The following TNIK variants were observed in gnomAD, a reference collection of about 807,000 sequenced individuals.
TNIK encodes the protein TRAF2 and NCK-interacting protein kinase.
TNIK carries 49 observed loss-of-function variants against 191.3 expected under a neutral mutation model. The ratio of observed to expected loss-of-function variants is 0.26; its 90% confidence interval spans 0.20 to 0.32. The LOEUF is 0.32. Among genes scored for constraint, TNIK ranks in the 10% least tolerant of loss-of-function variants. The pLI is 1.00. For missense variants in TNIK, 1,155 were observed against 1,702.3 expected (o/e 0.68, Z 5.66); for synonymous variants, 594 against 600.9 (o/e 0.99, Z 0.17).
At chr3:171,455,105 G>A (rs796083579) in intron 1 of TNIK, among the ~76,000 whole-genome samples, 24 of 152,238 alleles carry the variant, frequency 1.6e-4, no homozygotes, top group African/African-American at 4.3e-4. Flanking sequence ...TACTGGGGGC[G>A]CAAAGCTCAA....
At chr3:171,220,292 G>A (rs1308597528) in intron 3 of TNIK, among the ~76,000 whole-genome samples, 1 of 152,230 alleles carries the variant, frequency 6.6e-6, no homozygotes, top group Non-Finnish European at 1.5e-5. Flanking sequence ...ACCTAATGTA[G>A]ATGACAGGTT....
At chr3:171,183,024 G>A (rs1270862449) in intron 7 of TNIK, among the ~76,000 whole-genome samples, 3 of 152,194 alleles carry the variant, frequency 2.0e-5, no homozygotes, top group Non-Finnish European at 2.9e-5. Flanking sequence ...GGTATTCAAC[G>A]AATGTGGGTA....
rs531361006 is a variant in TNIK, at chr3:171,229,868, C to T, written c.124-1647G>A. Among the ~76,000 whole-genome samples the T allele has an allele frequency of 2.0e-5, 3 of 152,238 alleles. No individual in the cohort carries two copies. The South Asian group carries it at 6.2e-4, about 32-fold the overall frequency. On this transcript the variant is annotated intron_variant, in intron 2 of 32. Coordinates refer to ENST00000436636, the MANE Select transcript of TNIK (RefSeq NM_015028.4). ...AGCCCCTCACACTTATTTCCACTTTCCTGAAATCGAGGGAGAGGATGGCGT... is the reference window on the plus strand; with the variant it reads ...AGCCCCTCACACTTATTTCCACTTTTCTGAAATCGAGGGAGAGGATGGCGT...
intron 12 of TNIK, among the ~76,000 whole-genome samples, chr3:171,143,235 A>G (rs972543330): frequency 2.0e-5 from 3 of 152,216 alleles, no homozygotes; most frequent in African/African-American, 7.2e-5. Context: ...GCCAATTTCC[A>G]GCTGCTGTGT....
rs899660528 is a variant in TNIK, at chr3:171,157,635, G to A, written c.1046C>T (p.Thr349Met). The change falls in exon 12 of 33, where the codon ACG (threonine) becomes ATG (methionine). Residue 349 changes from threonine to methionine, a missense_variant. Transcript: ENST00000436636. ...CAGCCTCAGAAAGTCCCTCCGCAGC[G>A]TCGACTCCCCTGGCAGATTCAGGAT... Reference protein sequence around the residue: ...SSILNLPGESTLRRDFLRLQL... With the variant: ...SSILNLPGESMLRRDFLRLQL... 3.2e-6 allele frequency: 5 copies of A among 1,555,936 alleles called. No individual in the cohort carries two copies. The highest frequency in any genetic ancestry group is 4.3e-6 in the Non-Finnish European group (5 of 1,149,672).
At chr3:171,314,896 C>T (rs1754437310) in intron 2 of TNIK, among the ~76,000 whole-genome samples, 1 of 152,134 alleles carries the variant, frequency 6.6e-6, no homozygotes, top group Non-Finnish European at 1.5e-5. Context: ...TATCACTGAA[C>T]ATCTTTGTCC....
At chr3:171,164,268 C>T (rs1245178610) in intron 10 of TNIK, among the ~76,000 whole-genome samples, 4 of 152,222 alleles carry the variant, frequency 2.6e-5, no homozygotes, top group African/African-American at 9.6e-5. Context: ...TTGTGCCCCA[C>T]AAAATGTGGA....
intron 2 of TNIK, among the ~76,000 whole-genome samples, chr3:171,353,560 A>G (rs565342213): frequency 9.3e-4 from 142 of 152,350 alleles, no homozygotes; most frequent in Non-Finnish European, 1.8e-3. Context: ...AAAGAGACAC[A>G]TTAACAAGTA....
intron 2 of TNIK, among the ~76,000 whole-genome samples, chr3:171,306,887 C>T (rs1268120902): frequency 6.6e-6 from 1 of 152,058 alleles, no homozygotes; most frequent in African/African-American, 2.4e-5. Context: ...TGTTCTGCTG[C>T]CGTGGTGATG....
At chr3:171,117,037 A>T (rs1365829795) in intron 18 of TNIK, among the ~76,000 whole-genome samples, 1 of 152,246 alleles carries the variant, frequency 6.6e-6, no homozygotes, top group African/African-American at 2.4e-5. Context: ...TAGGAAGGGA[A>T]CTATAAAAAG....
At chr3:171,200,949 A>G (rs1226362795) in intron 4 of TNIK, among the ~76,000 whole-genome samples, 1 of 152,206 alleles carries the variant, frequency 6.6e-6, no homozygotes, top group Non-Finnish European at 1.5e-5. Context: ...GTCACTAGTC[A>G]GTCACCCACA....
chr3:171,352,819 T>TA (rs1713423815), intron 2 of TNIK, among the ~76,000 whole-genome samples: 1 of 152,156 alleles, frequency 6.6e-6, no homozygotes, highest in South Asian at 2.1e-4. Flanking sequence ...TAAGGTACTT[T>TA]AAAAGGTCAA....
chr3:171,211,141 G>A lies in TNIK; in HGVS notation c.281C>T (p.Pro94Leu). 6.2e-7 allele frequency: 1 copy of A among 1,612,912 alleles called. No individual in the cohort carries two copies. The highest frequency in any genetic ancestry group is 8.5e-7 in the Non-Finnish European group (1 of 1,179,512). Residue 94 changes from proline to leucine, a missense_variant, in exon 4 of 33, where the codon CCA becomes CTA. By Grantham distance (98) the Pro-to-Leu change is moderately conservative. Transcript: ENST00000436636. ...CCAAAGTTGGTCATCCATGCCTGGTGGGTTCTTTTTGATAAAAGCACCATA... is the reference window on the plus strand; with the variant it reads ...CCAAAGTTGGTCATCCATGCCTGGTAGGTTCTTTTTGATAAAAGCACCATA... ...TYYGAFIKKNPPGMDDQLWLV... is the reference protein window; with the variant it reads ...TYYGAFIKKNLPGMDDQLWLV...
intron 1 of TNIK, among the ~76,000 whole-genome samples, chr3:171,454,623 G>A (rs1190794432): frequency 6.6e-6 from 1 of 152,072 alleles, no homozygotes; most frequent in Non-Finnish European, 1.5e-5. Flanking sequence ...ATGAGGCAAT[G>A]CCATTGTAAA....
chr3:171,105,872 G>C (rs1230487970), intron 21 of TNIK, among the ~76,000 whole-genome samples: 2 of 152,102 alleles, frequency 1.3e-5, no homozygotes, highest in Non-Finnish European at 2.9e-5. Context: ...CCTGTTCTGG[G>C]AGAAAACTGA....
chr3:171,386,619 C>T (rs1718772245), intron 1 of TNIK, among the ~76,000 whole-genome samples: 1 of 152,156 alleles, frequency 6.6e-6, no homozygotes, highest in Non-Finnish European at 1.5e-5. Context: ...CTTCTTATTT[C>T]ACCTCTACTC....
At chr3:171,411,674 GCAGGAAAACTT>G (rs1443984829) in intron 1 of TNIK, among the ~76,000 whole-genome samples, 1 of 152,136 alleles carries the variant, frequency 6.6e-6, no homozygotes, top group Non-Finnish European at 1.5e-5. Flanking sequence ...ATTCAGATGA[GCAGGAAAACTT>G]CAGGTTATTT....
chr3:171,331,561 A>G (rs1756423593), intron 2 of TNIK, among the ~76,000 whole-genome samples: 1 of 152,238 alleles, frequency 6.6e-6, no homozygotes, highest in South Asian at 2.1e-4. Flanking sequence ...ATAACTAAAT[A>G]TATAGCTCAA....
At chr3:171,342,511 A>G (rs558752467) in intron 2 of TNIK, among the ~76,000 whole-genome samples, 2 of 152,002 alleles carry the variant, frequency 1.3e-5, no homozygotes, top group East Asian at 3.9e-4. Flanking sequence ...TTCAAAAAAC[A>G]AAAAAACAAA....
Sources: allele counts gnomAD v4.1 joint callset (sites outside exome capture counted in the v4.1 genomes callset), GRCh38; gene constraint gnomAD v4.1.1; transcripts MANE v1.5; gene names NCBI Gene and HGNC (gene_info 2026-07-23, HGNC 2026-07-21).